Variants in ASH1L observed in about 807,000 individuals in gnomAD.
ASH1L encodes the protein ASH1 like histone lysine methyltransferase, also known as histone-lysine N-methyltransferase ASH1L.
A neutral mutation model predicts 269.0 loss-of-function variants in ASH1L; 23 were observed. That is an observed-to-expected ratio of 0.09 (90% CI 0.06 to 0.12). The LOEUF (loss-of-function observed/expected upper bound fraction) is 0.12. ASH1L is among the 10% of genes least tolerant of loss of function. The pLI, the probability that ASH1L is intolerant of heterozygous loss-of-function variation, is 1.00. For synonymous variants in ASH1L, 1,187 were observed against 1,253.5 expected (o/e 0.95, Z 1.12); for missense variants, 2,912 against 3,567.8 (o/e 0.82, Z 4.68).
intron 6 of ASH1L, among the ~76,000 whole-genome samples, chr1:155,410,534 C>T (rs922934878): frequency 1.4e-5 from 2 of 144,978 alleles, no homozygotes; most frequent in African/African-American, 2.6e-5. Context: ...GAACTCCTGA[C>T]CTCAAGTAGT....
rs528554826 is a variant in ASH1L at position 155,512,755 on chromosome 1, A to G, written c.420+8345T>C. ...TTATGTTTAAAAAACAAAAAAACACATATCAAGCTGGGCACAGTGGCTCAC... is the reference window on the plus strand; with the variant it reads ...TTATGTTTAAAAAACAAAAAAACACGTATCAAGCTGGGCACAGTGGCTCAC... On this transcript the variant is annotated intron_variant, in intron 2 of 27. Coordinates refer to ENST00000392403, the MANE Select transcript of ASH1L (RefSeq NM_018489.3). Among the ~76,000 whole-genome samples, 886 of 152,008 alleles carry G rather than the reference A, an allele frequency of 5.8e-3. 8 individuals are homozygous for G. Among genetic ancestry groups the G allele is most frequent in the African/African-American group, 0.02 (827 of 41,512 alleles).
chr1:155,480,156 G>T lies in ASH1L; in HGVS notation c.2714C>A (p.Pro905Gln). 6.2e-7 allele frequency: 1 copy of T among 1,614,084 alleles called. No homozygotes were observed. Residue 905 changes from proline to glutamine, a missense_variant, in exon 3 of 28, where the codon CCA becomes CAA. Physicochemically the swap from Pro to Gln is moderately conservative, Grantham distance 76. This residue lies in a region of ASH1L where 715 missense variants were observed against 721.0 expected (regional missense o/e 0.99). Coordinates refer to ENST00000392403, the MANE Select transcript of ASH1L (RefSeq NM_018489.3). ...AAATGGAGCCACTGACAGTACAGGT[G>T]GCTTCATCTTGACTGGTGACCTCAT... ...RQMRSPVKMKPPVLSVAPFVA... is the reference protein window; with the variant it reads ...RQMRSPVKMKQPVLSVAPFVA...
rs1661123331 is a variant in ASH1L at position 155,425,967 on chromosome 1, C to A, written c.5829-10044G>T. Among the ~76,000 whole-genome samples the A allele has an allele frequency of 2.0e-5, 3 of 151,800 alleles. 1 individual carries two copies. The highest frequency in any genetic ancestry group is 2.0e-4 in the Admixed American group (3 of 15,220). ...GCAGTGGCGCGATCTCGGCTCACTG[C>A]AAGCTCTGCCTCCTGGGTTCACGCC... On this transcript the variant is annotated intron_variant, in intron 5 of 27. Coordinates refer to ENST00000392403, the MANE Select transcript of ASH1L (RefSeq NM_018489.3).
intron 14 of ASH1L, 83 bp downstream of exon 14, chr1:155,357,502 C>T: frequency 6.3e-7 from 1 of 1,597,326 alleles, no homozygotes; most frequent in Non-Finnish European, 8.6e-7. Context: ...AGATGCCACC[C>T]TCTGGTAATT....
intron 1 of ASH1L, among the ~76,000 whole-genome samples, chr1:155,543,716 G>C (rs374879631): frequency 1.3e-5 from 2 of 151,884 alleles, no homozygotes; most frequent in Admixed American, 1.3e-4. Flanking sequence ...AGGGTGACCT[G>C]AGGCCAGGAG....
intron 4 of ASH1L, among the ~76,000 whole-genome samples, chr1:155,458,949 TCTC>T (rs1424972893): frequency 1.5e-5 from 2 of 134,868 alleles, no homozygotes; most frequent in Non-Finnish European, 1.7e-5. Context: ...AATCATCCTC[TCTC>T]TTTTTTTTTT....
chr1:155,412,609 G>A (rs374986531), intron 6 of ASH1L, among the ~76,000 whole-genome samples: 3 of 152,242 alleles, frequency 2.0e-5, no homozygotes. Context: ...GGAAGTACAT[G>A]TTTCCTTGAG....
rs770575804 is a variant in ASH1L, at chr1:155,395,473, G to A, written c.6089C>T (p.Ala2030Val). ...PGEHEYGLFP[A>V]PIHVGKYLRQ... ...TCGGTACTTACCAACATGAATGGGCGCTGGAAATAATCCATATTCATGCTC... is the reference window on the plus strand; with the variant it reads ...TCGGTACTTACCAACATGAATGGGCACTGGAAATAATCCATATTCATGCTC... The change falls in exon 7 of 28, where the codon GCG becomes GTG. Residue 2030 changes from alanine (A) to valine (V), a missense_variant. Transcript: ENST00000392403. 10 of 1,601,322 alleles carry A rather than the reference G, an allele frequency of 6.2e-6. No homozygotes were observed. The highest frequency in any genetic ancestry group is 4.5e-5 in the South Asian group (4 of 89,478).
intron 6 of ASH1L, among the ~76,000 whole-genome samples, chr1:155,397,675 C>T (rs1044246065): frequency 5.9e-5 from 9 of 151,990 alleles, no homozygotes; most frequent in Admixed American, 4.6e-4. Context: ...CTCAGCCTCC[C>T]GAGTAGCTGG....
Position 155,521,567 on chromosome 1 carries a change from C to G in ASH1L, c.-48G>C. On this transcript the variant is annotated 5_prime_UTR_variant, in exon 2 of 28. Transcript: ENST00000392403. The stretch of plus-strand genomic sequence containing the variant: ...GGAATCTTATGAAAATTTTACAGAA[C>G]TGTGTTCCATAAAAAACAAGGATCT... The G allele has an allele frequency of 1.3e-6, 2 of 1,522,452 alleles. No homozygotes were observed. The highest frequency in any genetic ancestry group is 1.8e-6 in the Non-Finnish European group (2 of 1,130,560). The allele number at this position is 1,522,452 out of a possible 1,614,324, so 94.3% of individuals were successfully genotyped here. A position where few individuals can be genotyped will look rare whatever the true frequency, so the allele number is the denominator to read the frequency against.
intron 17 of ASH1L, among the ~76,000 whole-genome samples, chr1:155,351,213 C>A (rs1304032990): frequency 6.6e-6 from 1 of 150,970 alleles, no homozygotes; most frequent in Non-Finnish European, 1.5e-5. Context: ...CCACTGCACT[C>A]CAGCCTGGGC....
chr1:155,461,178 T>C (rs1445035749), intron 3 of ASH1L, among the ~76,000 whole-genome samples: 1 of 152,220 alleles, frequency 6.6e-6, no homozygotes, highest in Non-Finnish European at 1.5e-5. Context: ...AAGATGTGAT[T>C]AATTCTCTAA....
At position 155,562,029 on chromosome 1, in the gene ASH1L, C is replaced by G; in HGVS notation, c.-100+124G>C. 8.5e-6 allele frequency: 6 copies of G among 705,700 alleles called. No individual in the cohort carries two copies. In the South Asian group the frequency reaches 1.2e-4, roughly 14 times the overall value. 43.7% of individuals were successfully genotyped at this position (705,700 alleles called of 1,614,324 possible). A position where few individuals can be genotyped will look rare whatever the true frequency, so the allele number is the denominator to read the frequency against. ...TCCCCCTCCCTGCTCTCCCCTCCCCCATCTTCACCACTGCTCTCTCAGAGA... is the reference window on the plus strand; with the variant it reads ...TCCCCCTCCCTGCTCTCCCCTCCCCGATCTTCACCACTGCTCTCTCAGAGA... On this transcript the variant is annotated intron_variant, in intron 1 of 27. Coordinates refer to ENST00000392403, the MANE Select transcript of ASH1L (RefSeq NM_018489.3).
intron 7 of ASH1L, among the ~76,000 whole-genome samples, chr1:155,381,437 C>A (rs1656932472): frequency 6.6e-6 from 1 of 152,024 alleles, no homozygotes; most frequent in Non-Finnish European, 1.5e-5. Flanking sequence ...GTAATCCCAG[C>A]TACTCAGGAG....
intron 3 of ASH1L, among the ~76,000 whole-genome samples, 164 bp downstream of exon 3, chr1:155,477,722 C>T (rs1665663732): frequency 6.6e-6 from 1 of 151,906 alleles, no homozygotes; most frequent in African/African-American, 2.4e-5. Flanking sequence ...TAGACATTCC[C>T]TACTTCTTAA....
At chr1:155,428,594 C>T (rs1250639142) in intron 5 of ASH1L, among the ~76,000 whole-genome samples, 1 of 152,106 alleles carries the variant, frequency 6.6e-6, no homozygotes, top group Non-Finnish European at 1.5e-5. Context: ...GTGGGTTTAC[C>T]AGAATAAGGG....
chr1:155,459,894 G>A lies in ASH1L; in HGVS notation c.4989C>T (p.Ser1663=). 1 of 1,580,962 alleles carries A rather than the reference G, an allele frequency of 6.3e-7. No homozygotes were observed. The highest frequency in any genetic ancestry group is 8.6e-7 in the Non-Finnish European group (1 of 1,166,818). The change falls in exon 4 of 28, where the codon TCC becomes TCT. Residue 1663 remains serine (S), a synonymous_variant. Transcript: ENST00000392403. The part of the protein sequence containing the change: ...NERAVQTLAG[S]QPTSDKPSQR... ...GGGAGGGTTTATCAGAGGTTGGCTG[G>A]GAGCCTGGAGAAAGAGAAAAAGATA... is the stretch of plus-strand genomic sequence containing the variant.
chr1:155,451,518 G>A (rs1663467106), intron 4 of ASH1L, among the ~76,000 whole-genome samples: 1 of 152,116 alleles, frequency 6.6e-6, no homozygotes, highest in African/African-American at 2.4e-5. Context: ...ACAGCACTTT[G>A]GGAGGCCAAG....
chr1:155,432,946 A>G (rs1275444142), intron 5 of ASH1L, among the ~76,000 whole-genome samples: 1 of 152,130 alleles, frequency 6.6e-6, no homozygotes, highest in Non-Finnish European at 1.5e-5. Context: ...TCACCATGTT[A>G]CCCAGGCTGA....
Sources: gnomAD v4.1 joint callset for allele counts (sites outside exome capture counted in the v4.1 genomes callset) on GRCh38, gnomAD v4.1.1 for gene constraint, gnomAD v4.1.1 regional missense constraint, MANE v1.5 for transcripts, NCBI Gene and HGNC (gene_info 2026-07-23, HGNC 2026-07-21) for gene names.